RTTN: variants seen among roughly 807,000 people sequenced by gnomAD.
The protein encoded by RTTN is rotatin.
A neutral mutation model predicts 269.2 loss-of-function variants in RTTN; 182 were observed. That is an observed-to-expected ratio of 0.68 (90% CI 0.60 to 0.76). RTTN has a LOEUF of 0.76. Ranked by LOEUF, RTTN falls within the 30% of genes least tolerant of loss-of-function variation. The pLI, the probability that RTTN is intolerant of heterozygous loss-of-function variation, is 0.00. For missense variants in RTTN, 2,545 were observed against 2,608.6 expected (o/e 0.98, Z 0.53); for synonymous variants, 1,006 against 963.5 (o/e 1.04, Z -0.82).
intron 24 of RTTN, chr18:70,127,948 C>T (rs918577908): frequency 1.3e-5 from 7 of 547,306 alleles, no homozygotes; most frequent in Non-Finnish European, 2.2e-5. Context: ...ATTGACTTTT[C>T]CTCCTTATAA....
At chr18:70,149,079 A>T (rs770231651) in intron 16 of RTTN, 42 bp from the exon 17 acceptor site, 20 of 1,558,716 alleles carry the variant, frequency 1.3e-5, no homozygotes, top group Middle Eastern at 1.7e-4. Context: ...GTCTAATTGT[A>T]TACATAACTT....
At position 70,090,322 on chromosome 18, in the gene RTTN, G is replaced by A. The variant is rs115475161; in HGVS notation, c.4143+1788C>T. 4.5e-3 allele frequency among the ~76,000 whole-genome samples: 687 copies of A among 152,224 alleles called. 6 individuals carry two copies. The highest frequency in any genetic ancestry group is 0.016 in the African/African-American group (649 of 41,510). On this transcript the variant is annotated intron_variant, in intron 30 of 48. Coordinates refer to ENST00000640769, the MANE Select transcript of RTTN (RefSeq NM_173630.4). ...TTTCTCCTACACATACATATCTATG[G>A]TAAAGTTTACAAATTAGGCACAGTA...
At chr18:70,111,951 A>C (rs112788423) in intron 27 of RTTN, among the ~76,000 whole-genome samples, 8 of 152,200 alleles carry the variant, frequency 5.3e-5, no homozygotes, top group African/African-American at 1.9e-4. Context: ...GACTAACAGC[A>C]GATCTCTCAG....
At chr18:70,063,406 G>A (rs1176929731) in intron 35 of RTTN, among the ~76,000 whole-genome samples, 3 of 152,052 alleles carry the variant, frequency 2.0e-5, no homozygotes, top group Non-Finnish European at 4.4e-5. Flanking sequence ...ATTTTTACAT[G>A]AGAGTTTGTG....
intron 7 of RTTN, among the ~76,000 whole-genome samples, chr18:70,195,950 G>A (rs1384463121): frequency 6.6e-6 from 1 of 152,074 alleles, no homozygotes; most frequent in African/African-American, 2.4e-5. Flanking sequence ...TTTGACTTTC[G>A]ATGCAGGTTG....
rs1296075626 is a variant in RTTN at position 70,051,519 on chromosome 18, T to G, written c.5215A>C (p.Thr1739Pro). 6.2e-7 allele frequency: 1 copy of G among 1,609,074 alleles called. No homozygotes were observed. Among genetic ancestry groups the G allele is most frequent in the Non-Finnish European group, 8.5e-7 (1 of 1,176,188 alleles). ...DKELISAFYHTWTHLFNLLAM... is the reference protein window; with the variant it reads ...DKELISAFYHPWTHLFNLLAM... ...AGAAGATTAAATAAATGTGTCCATG[T>G]GTGATAAAAAGCTGATATTAACTCT... is the stretch of plus-strand genomic sequence containing the variant. Residue 1739 changes from threonine (T) to proline (P), a missense_variant, in exon 39 of 49, where the codon ACA becomes CCA. Thr to Pro is a conservative substitution (Grantham distance 38, BLOSUM62 -1). Coordinates refer to ENST00000640769, the MANE Select transcript of RTTN (RefSeq NM_173630.4).
chr18:70,172,907 C>A (rs2061180555), intron 11 of RTTN, among the ~76,000 whole-genome samples: 1 of 152,098 alleles, frequency 6.6e-6, no homozygotes, highest in South Asian at 2.1e-4. Flanking sequence ...AATTGTAGCA[C>A]CACTAATTTT....
intron 30 of RTTN, among the ~76,000 whole-genome samples, chr18:70,090,889 A>G (rs1305642733): frequency 2.6e-5 from 4 of 152,228 alleles, no homozygotes; most frequent in Admixed American, 6.5e-5. Context: ...CCATCAAGCC[A>G]AAGAACATTA....
chr18:70,152,877 A>T lies in RTTN; in HGVS notation c.1930-2144T>A, dbSNP rs554911640. On this transcript the variant is annotated intron_variant, in intron 14 of 48. Transcript: ENST00000640769. Reference sequence around the variant, plus strand: ...GGAGAGTGATCTTTTCAGAAAGATCATCAGATCACGTTAAAATCATTCATA... The same window carrying T: ...GGAGAGTGATCTTTTCAGAAAGATCTTCAGATCACGTTAAAATCATTCATA... Among the ~76,000 whole-genome samples the T allele has an allele frequency of 3.3e-5, 5 of 152,356 alleles. No homozygotes were observed. In the East Asian group the frequency reaches 9.6e-4, roughly 29 times the overall value.
At chr18:70,186,839 AGGGGAAT>A in intron 10 of RTTN, among the ~76,000 whole-genome samples, 1 of 152,292 alleles carries the variant, frequency 6.6e-6, no homozygotes, top group East Asian at 1.9e-4. Flanking sequence ...GGACCCAAAG[AGGGGAAT>A]AACAGACACC....
At chr18:70,051,279 G>T in intron 39 of RTTN, 132 bp downstream of exon 39, 1 of 1,047,260 alleles carries the variant, frequency 9.5e-7, no homozygotes, top group Non-Finnish European at 1.3e-6. Context: ...TTCAAAGCAA[G>T]CACCCTGATA....
intron 14 of RTTN, among the ~76,000 whole-genome samples, chr18:70,163,069 T>TAAAAAAAAAAAAAAAAAAAAAA (rs10559303): frequency 3.5e-5 from 2 of 56,984 alleles, no homozygotes; most frequent in African/African-American, 1.4e-4. Context: ...TTACTATTAT[T>TAAAAAAAAAAAAAAAAAAAAAA]AAAAAAAAAA....
intron 40 of RTTN, among the ~76,000 whole-genome samples, chr18:70,039,265 A>C (rs1443628523): frequency 6.6e-6 from 1 of 152,182 alleles, no homozygotes; most frequent in East Asian, 1.9e-4. Flanking sequence ...GATATTTCAT[A>C]ATCAAACTCC....
intron 32 of RTTN, among the ~76,000 whole-genome samples, chr18:70,076,022 T>A (rs1041998935): frequency 4.6e-5 from 7 of 152,016 alleles, no homozygotes; most frequent in Non-Finnish European, 1.0e-4. Context: ...ATCTGTCACA[T>A]TACTTCCCAC....
At chr18:70,134,412 G>T in intron 23 of RTTN, 61 bp downstream of exon 23, 1 of 1,239,308 alleles carries the variant, frequency 8.1e-7, no homozygotes, top group Non-Finnish European at 1.2e-6. Context: ...TATAGATTTT[G>T]ATTTCCCTTT....
intron 28 of RTTN, among the ~76,000 whole-genome samples, chr18:70,094,263 AT>A (rs1041582791): frequency 3.3e-5 from 5 of 151,420 alleles, no homozygotes; most frequent in Admixed American, 1.3e-4. Flanking sequence ...GGATTCATTG[AT>A]TTTTTTTGAA....
chr18:70,205,404 G>A (rs995320622), intron 1 of RTTN, 89 bp from the exon 2 acceptor site: 3 of 1,528,876 alleles, frequency 2.0e-6, no homozygotes, highest in African/African-American at 1.4e-5. Context: ...CGTGAAGACG[G>A]AATAAACCAG....
intron 21 of RTTN, 102 bp from the exon 22 acceptor site, chr18:70,135,382 T>C: frequency 1.5e-6 from 1 of 663,854 alleles, no homozygotes; most frequent in Non-Finnish European, 2.5e-6. Context: ...AAATGCAACA[T>C]AAACCCAGAT....
intron 23 of RTTN, 74 bp downstream of exon 23, chr18:70,134,399 A>G: frequency 2.6e-6 from 3 of 1,143,706 alleles, no homozygotes; most frequent in Non-Finnish European, 3.9e-6. Flanking sequence ...AATTGTGACA[A>G]ATTATAGATT....
Sources: allele counts gnomAD v4.1 joint callset (sites outside exome capture counted in the v4.1 genomes callset), GRCh38; gene constraint gnomAD v4.1.1; transcripts MANE v1.5; gene names NCBI Gene and HGNC (gene_info 2026-07-23, HGNC 2026-07-21).